SNX13: variants seen among roughly 807,000 people sequenced by gnomAD.
The protein encoded by SNX13 is sorting nexin 13, also known as sorting nexin-13.
In SNX13, 45 loss-of-function variants were observed where a neutral mutation model predicts 133.6. That is an observed-to-expected ratio of 0.34 (90% CI 0.27 to 0.43). SNX13 has a LOEUF of 0.43. Among genes scored for constraint, SNX13 ranks in the 20% least tolerant of loss-of-function variants. SNX13 has a pLI of 1.00. For missense variants in SNX13, 1,032 were observed against 1,145.1 expected (o/e 0.90, Z 1.43); for synonymous variants, 414 against 373.9 (o/e 1.11, Z -1.24).
intron 11 of SNX13, among the ~76,000 whole-genome samples, chr7:17,847,190 G>A (rs989297820): frequency 6.6e-6 from 1 of 151,776 alleles, no homozygotes; most frequent in Non-Finnish European, 1.5e-5. Context: ...TCATTTGCAC[G>A]AGTATATAAA....
At chr7:17,796,615 A>T (rs1403849488) in intron 25 of SNX13, 1 of 476,304 alleles carries the variant, frequency 2.1e-6, no homozygotes, top group Admixed American at 3.3e-5. Flanking sequence ...CCTCACATAT[A>T]AAGCGGTGAT....
At chr7:17,819,629 C>G (rs1233532994) in intron 18 of SNX13, among the ~76,000 whole-genome samples, 3 of 152,134 alleles carry the variant, frequency 2.0e-5, no homozygotes, top group African/African-American at 7.2e-5. Context: ...TTCATGTTAA[C>G]AGGCTATACT....
chr7:17,803,278 T>C lies in SNX13; in HGVS notation c.2226+141A>G, dbSNP rs1339728101. 8.4e-6 allele frequency: 6 copies of C among 710,820 alleles called. No individual in the cohort carries two copies. In the African/African-American group the frequency reaches 9.2e-5, roughly 11 times the overall value. 44.0% of individuals were successfully genotyped at this position (710,820 alleles called of 1,614,324 possible). The stretch of plus-strand genomic sequence containing the variant: ...GTAAGAATTTTTCTCTTTAGTTCTT[T>C]ATTCTTTATGAGACTATGTGTCTAG... On this transcript the variant is annotated intron_variant, in intron 21 of 25. Transcript: ENST00000428135.
intron 24 of SNX13, among the ~76,000 whole-genome samples, chr7:17,797,623 C>A (rs1784197746): frequency 1.3e-5 from 2 of 151,806 alleles, no homozygotes; most frequent in Admixed American, 1.3e-4. Context: ...ACAGGCTCTT[C>A]ATGTTCAGGC....
chr7:17,847,321 G>GT (rs1470549814), intron 11 of SNX13, among the ~76,000 whole-genome samples: 2 of 151,558 alleles, frequency 1.3e-5, no homozygotes, highest in African/African-American at 2.4e-5. Context: ...AAATTTAAGG[G>GT]TTTTTTTGTT....
intron 5 of SNX13, among the ~76,000 whole-genome samples, chr7:17,878,140 T>G (rs1270869128): frequency 1.3e-5 from 2 of 152,128 alleles, no homozygotes; most frequent in African/African-American, 4.8e-5. Context: ...CTACATAGCT[T>G]TCTATTAGAG....
rs766363997 is a variant in SNX13, at chr7:17,940,414, C to T, written c.-119G>A. The T allele has an allele frequency of 4.1e-6, 5 of 1,230,046 alleles. No individual in the cohort carries two copies. The highest frequency in any genetic ancestry group is 5.8e-6 in the Non-Finnish European group (5 of 860,524). The allele number at this position is 1,230,046 out of a possible 1,614,324, so 76.2% of individuals were successfully genotyped here. On this transcript the variant is annotated 5_prime_UTR_variant, in exon 1 of 26. Coordinates refer to ENST00000428135, the MANE Select transcript of SNX13 (RefSeq NM_015132.5). ...GGCAACTGCTCCTTCAGTCTTCTCC[C>T]GGGCGGCGGTTTTACTCGGCTTCGC...
At chr7:17,861,413 C>T (rs867328323) in intron 9 of SNX13, among the ~76,000 whole-genome samples, 121 of 151,976 alleles carry the variant, frequency 8.0e-4, no homozygotes, top group Middle Eastern at 3.4e-3. Flanking sequence ...ATTCGCAGCC[C>T]ACACCAGGAA....
chr7:17,815,362 T>C (rs898870540), intron 19 of SNX13, among the ~76,000 whole-genome samples: 6 of 151,412 alleles, frequency 4.0e-5, no homozygotes, highest in Non-Finnish European at 7.4e-5. Context: ...GGCGGGAAAA[T>C]TGCCCCAGCC....
chr7:17,905,641 A>T (rs568572726), intron 1 of SNX13, among the ~76,000 whole-genome samples: 2 of 152,336 alleles, frequency 1.3e-5, no homozygotes, highest in Admixed American at 6.5e-5. Context: ...GGTAAATTCC[A>T]AAAACAAAAA....
chr7:17,929,118 T>C (rs959185557), intron 1 of SNX13, among the ~76,000 whole-genome samples: 1 of 151,964 alleles, frequency 6.6e-6, no homozygotes, highest in African/African-American at 2.4e-5. Context: ...TGCAGGCCTG[T>C]AGACACAGAG....
At chr7:17,915,590 C>G (rs536583565) in intron 1 of SNX13, among the ~76,000 whole-genome samples, 25 of 151,000 alleles carry the variant, frequency 1.7e-4, no homozygotes, top group African/African-American at 5.6e-4. Context: ...AACTTACTCA[C>G]CTGACCTTGG....
chr7:17,888,401 T>A (rs1382570274), intron 5 of SNX13: 1 of 216,612 alleles, frequency 4.6e-6, no homozygotes, highest in Non-Finnish European at 9.3e-6. Flanking sequence ...GACTAGGGGA[T>A]CAAAAACAGG....
At chr7:17,912,487 G>A (rs978612504) in intron 1 of SNX13, among the ~76,000 whole-genome samples, 4 of 151,532 alleles carry the variant, frequency 2.6e-5, no homozygotes, top group Non-Finnish European at 5.9e-5. Flanking sequence ...TTGACTCACT[G>A]CAACCTCCTG....
chr7:17,893,970 G>GAAA (rs11298863), intron 2 of SNX13, among the ~76,000 whole-genome samples: 1 of 126,916 alleles, frequency 7.9e-6, no homozygotes, highest in African/African-American at 2.9e-5. Flanking sequence ...AGACTGTCTC[G>GAAA]AAAAAAAAAA....
At chr7:17,802,723 T>G (rs1784767333) in intron 21 of SNX13, among the ~76,000 whole-genome samples, 1 of 152,130 alleles carries the variant, frequency 6.6e-6, no homozygotes, top group African/African-American at 2.4e-5. Flanking sequence ...TTATATACAT[T>G]TCCCCTACAT....
At chr7:17,841,550 T>TCACACACA (rs1425135766) in intron 12 of SNX13, among the ~76,000 whole-genome samples, 3 of 30,066 alleles carry the variant, frequency 1.0e-4, no homozygotes, top group East Asian at 1.0e-3. Context: ...AGCCAGTTAT[T>TCACACACA]CATACACACA....
chr7:17,832,255 T>C (rs1037254025), intron 15 of SNX13: 25 of 984,494 alleles, frequency 2.5e-5, no homozygotes, highest in Non-Finnish European at 2.9e-5. Flanking sequence ...GCTTATAGTT[T>C]GCTTCCAATA....
chr7:17,858,527 G>A (rs1792214934), intron 9 of SNX13, among the ~76,000 whole-genome samples: 1 of 151,982 alleles, frequency 6.6e-6, no homozygotes, highest in African/African-American at 2.4e-5. Context: ...CATGTTCCTA[G>A]ATAAGAAGAC....
Sources: gnomAD v4.1 joint callset for allele counts (sites outside exome capture counted in the v4.1 genomes callset) on GRCh38, gnomAD v4.1.1 for gene constraint, MANE v1.5 for transcripts, NCBI Gene and HGNC (gene_info 2026-07-23, HGNC 2026-07-21) for gene names.